The following UNC5C variants were observed in gnomAD, a reference collection of about 807,000 sequenced individuals.
The protein encoded by UNC5C is unc-5 netrin receptor C.
In UNC5C, 47 loss-of-function variants were observed where a neutral mutation model predicts 99.8. The ratio of observed to expected loss-of-function variants is 0.47; its 90% CI spans 0.37 to 0.60. The LOEUF (loss-of-function observed/expected upper bound fraction) is 0.60. Ranked by LOEUF, UNC5C falls within the 20% of genes least tolerant of loss-of-function variation. UNC5C has a pLI of 0.00. For synonymous variants in UNC5C, 487 were observed against 452.2 expected, an observed-to-expected ratio of 1.08 and a Z score of -0.98; for missense variants, 1,062 against 1,165.9, an observed-to-expected ratio of 0.91 and a Z score of 1.30.
chr4:95,279,554 T>C (rs1740979257), intron 3 of UNC5C, among the ~76,000 whole-genome samples: 1 of 152,226 alleles, frequency 6.6e-6, no homozygotes, highest in African/African-American at 2.4e-5. Flanking sequence ...AGTTAGAAAA[T>C]TAATTTAATC....
intron 1 of UNC5C, among the ~76,000 whole-genome samples, chr4:95,535,811 C>A (rs182307944): frequency 6.6e-6 from 1 of 151,742 alleles, no homozygotes. Context: ...CACGCACACA[C>A]GGGTGCACAC....
chr4:95,168,394 T>A lies in UNC5C; in HGVS notation c.*840A>T, dbSNP rs1470439852. 9 of 152,142 alleles carry A rather than the reference T, an allele frequency of 5.9e-5. No homozygotes were observed. Among genetic ancestry groups the A allele is most frequent in the Non-Finnish European group, 1.2e-4 (8 of 67,954 alleles). 9.4% of individuals were successfully genotyped at this position (152,142 alleles called of 1,614,324 possible). A position where few individuals can be genotyped will look rare whatever the true frequency, so the allele number is the denominator to read the frequency against. On this transcript the variant is annotated 3_prime_UTR_variant, in exon 16 of 16. Coordinates refer to ENST00000453304, the MANE Select transcript of UNC5C (RefSeq NM_003728.4). ...AGCACTGCTAACAAAAATAGAAATT[T>A]AAAAAAATCATTTTACCAGAATACC...
At chr4:95,201,502 C>G (rs1737654440) in intron 12 of UNC5C, among the ~76,000 whole-genome samples, 1 of 152,264 alleles carries the variant, frequency 6.6e-6, no homozygotes, top group South Asian at 2.1e-4. Context: ...TCCATTAACT[C>G]AAGAACTGAA....
intron 1 of UNC5C, among the ~76,000 whole-genome samples, chr4:95,392,285 G>C (rs1347882978): frequency 6.6e-6 from 1 of 151,044 alleles, no homozygotes; most frequent in Non-Finnish European, 1.5e-5. Flanking sequence ...TGAGTCAATA[G>C]AAAATAATTA....
At chr4:95,532,575 A>G (rs1722677704) in intron 1 of UNC5C, among the ~76,000 whole-genome samples, 1 of 152,174 alleles carries the variant, frequency 6.6e-6, no homozygotes, top group Admixed American at 6.5e-5. Context: ...CTGGGGACAC[A>G]GGGAAAAGAA....
chr4:95,537,296 G>A (rs1722805492), intron 1 of UNC5C, among the ~76,000 whole-genome samples: 1 of 152,108 alleles, frequency 6.6e-6, no homozygotes, highest in Non-Finnish European at 1.5e-5. Flanking sequence ...CAAGCTATTG[G>A]GGTCATATGC....
At chr4:95,529,860 A>G (rs1456414244) in intron 1 of UNC5C, among the ~76,000 whole-genome samples, 5 of 152,238 alleles carry the variant, frequency 3.3e-5, no homozygotes, top group African/African-American at 1.2e-4. Context: ...CAATGTAAGA[A>G]AAAAGAATTC....
chr4:95,365,775 T>G (rs1011930658), intron 1 of UNC5C, among the ~76,000 whole-genome samples: 5 of 152,104 alleles, frequency 3.3e-5, no homozygotes, highest in Admixed American at 6.6e-5. Context: ...GTAAGTACAA[T>G]AGCAAGACCC....
At chr4:95,248,854 C>T (rs1426764456) in intron 5 of UNC5C, among the ~76,000 whole-genome samples, 1 of 152,068 alleles carries the variant, frequency 6.6e-6, no homozygotes, top group Non-Finnish European at 1.5e-5. Context: ...GTGCTATAGC[C>T]TAAGTGTAGT....
chr4:95,187,594 G>A (rs981625280), intron 12 of UNC5C, among the ~76,000 whole-genome samples: 5 of 151,662 alleles, frequency 3.3e-5, no homozygotes, highest in Admixed American at 2.6e-4. Flanking sequence ...TGAGTGCAGA[G>A]TCTTCATGGG....
intron 1 of UNC5C, among the ~76,000 whole-genome samples, chr4:95,477,819 T>C (rs760318649): frequency 1.1e-4 from 16 of 151,998 alleles, no homozygotes; most frequent in Non-Finnish European, 2.2e-4. Flanking sequence ...TTAAGTATAA[T>C]AAGCACATAC....
At chr4:95,309,218 T>G (rs1742181958) in intron 2 of UNC5C, among the ~76,000 whole-genome samples, 2 of 152,192 alleles carry the variant, frequency 1.3e-5, no homozygotes, top group South Asian at 4.1e-4. Flanking sequence ...TTGGGACAAC[T>G]GGATATCCCT....
intron 1 of UNC5C, among the ~76,000 whole-genome samples, chr4:95,391,227 T>C (rs1180719316): frequency 6.6e-6 from 1 of 152,198 alleles, no homozygotes; most frequent in East Asian, 1.9e-4. Flanking sequence ...AGGTATTTCT[T>C]CATAGCAGTA....
At chr4:95,422,414 A>T (rs1560826959) in intron 1 of UNC5C, among the ~76,000 whole-genome samples, 1 of 152,208 alleles carries the variant, frequency 6.6e-6, no homozygotes, top group Non-Finnish European at 1.5e-5. Flanking sequence ...TCTGTTAAGA[A>T]AACATTTTCT....
At chr4:95,360,447 T>C (rs984753441) in intron 1 of UNC5C, among the ~76,000 whole-genome samples, 3 of 152,232 alleles carry the variant, frequency 2.0e-5, no homozygotes, top group East Asian at 3.9e-4. Context: ...GAGTAAGAGA[T>C]TAGCACTGTT....
rs552455267 is a variant in UNC5C at position 95,291,044 on chromosome 4, C to T, written c.490+10562G>A. Among the ~76,000 whole-genome samples the T allele has an allele frequency of 9.9e-5, 15 of 152,190 alleles. No individual in the cohort carries two copies. The South Asian group carries it at 3.1e-3, about 31-fold the overall frequency. ...TCAGCCATTCTTCGTTATTTCTTGA[C>T]TTTTGGGCATTTATAGGACAAACAC... On this transcript the variant is annotated intron_variant, in intron 3 of 15. Coordinates refer to ENST00000453304, the MANE Select transcript of UNC5C (RefSeq NM_003728.4).
intron 5 of UNC5C, 57 bp from the exon 6 acceptor site, chr4:95,245,201 A>G: frequency 1.3e-6 from 2 of 1,509,432 alleles, no homozygotes; most frequent in Non-Finnish European, 8.9e-7. Flanking sequence ...CACAACACAC[A>G]TGGACACACA....
rs970187772 is a variant in UNC5C, at chr4:95,165,368, C to T, written c.*3866G>A. ...TTGAACACCTCACCCAAAAGTTGTC[C>T]AGTTCTTGAAGAGCCTAACTTGCTC... On this transcript the variant is annotated 3_prime_UTR_variant, in exon 16 of 16. Coordinates refer to ENST00000453304, the MANE Select transcript of UNC5C (RefSeq NM_003728.4). The T allele has an allele frequency of 6.6e-6, 1 of 152,140 alleles. No homozygotes were observed. The highest frequency in any genetic ancestry group is 1.5e-5 in the Non-Finnish European group (1 of 68,030). 9.4% of individuals were successfully genotyped at this position (152,140 alleles called of 1,614,324 possible). A position where few individuals can be genotyped will look rare whatever the true frequency, so the allele number is the denominator to read the frequency against.
chr4:95,274,922 A>G (rs947893797), intron 4 of UNC5C, among the ~76,000 whole-genome samples: 8 of 152,090 alleles, frequency 5.3e-5, no homozygotes, highest in Non-Finnish European at 1.2e-4. Context: ...GCTACCCAGA[A>G]GGCTGAGGCA....
Sources: allele counts gnomAD v4.1 joint callset (sites outside exome capture counted in the v4.1 genomes callset), GRCh38; gene constraint gnomAD v4.1.1; transcripts MANE v1.5; gene names NCBI Gene and HGNC (gene_info 2026-07-23, HGNC 2026-07-21).